Variants in ARFGAP3 observed in about 807,000 individuals in gnomAD.
The protein encoded by ARFGAP3 is ARF GTPase activating protein 3.
ARFGAP3 carries 72 observed loss-of-function variants against 75.0 expected under a neutral mutation model. The observed-to-expected ratio is 0.96, with a 90% CI of 0.79 to 1.17. The LOEUF (loss-of-function observed/expected upper bound fraction) is 1.17. ARFGAP3 is among the 50% of genes most tolerant of loss of function. The probability of loss-of-function intolerance (pLI) is 0.00; values close to 1 mark genes in which losing one functional copy is unlikely to be tolerated. For synonymous variants in ARFGAP3, 221 were observed against 217.9 expected, an observed-to-expected ratio of 1.01 and a Z score of -0.13; for missense variants, 620 against 626.6, an observed-to-expected ratio of 0.99 and a Z score of 0.11.
intron 14 of ARFGAP3, among the ~76,000 whole-genome samples, chr22:42,801,708 C>T (rs1924869327): frequency 6.6e-6 from 1 of 152,210 alleles, no homozygotes; most frequent in Non-Finnish European, 1.5e-5. Flanking sequence ...ATCACCCCTC[C>T]ACCCATTCAT....
chr22:42,847,408 G>A (rs917988699), intron 2 of ARFGAP3, 106 bp downstream of exon 2: 2 of 954,878 alleles, frequency 2.1e-6, no homozygotes, highest in Admixed American at 2.4e-5. Context: ...CAAGGTGACA[G>A]GCGACAAGGC....
intron 1 of ARFGAP3, 111 bp downstream of exon 1, chr22:42,856,997 ACGTGTC>A (rs1439883420): frequency 9.5e-7 from 1 of 1,047,278 alleles, no homozygotes; most frequent in Non-Finnish European, 1.2e-6. Flanking sequence ...CCACAGTGCG[ACGTGTC>A]ACAGGCCGCG....
At chr22:42,843,078 T>TCCCCCCGA in intron 2 of ARFGAP3, among the ~76,000 whole-genome samples, 2 of 151,532 alleles carry the variant, frequency 1.3e-5, no homozygotes, top group East Asian at 3.9e-4. Flanking sequence ...CAGATTTGCC[T>TCCCCCCGA]CCCCCCGACC....
rs138304205 is a variant in ARFGAP3, at chr22:42,852,314, C to T, written c.70-4682G>A. On this transcript the variant is annotated intron_variant, in intron 1 of 15. Coordinates refer to ENST00000263245, the MANE Select transcript of ARFGAP3 (RefSeq NM_014570.5). Reference sequence around the variant, plus strand: ...GCTCAAGCTATTCATCTGCCTCGGCCTCCCAAAGTGCTGGGATTACAGGCG... The same window carrying T: ...GCTCAAGCTATTCATCTGCCTCGGCTTCCCAAAGTGCTGGGATTACAGGCG... Among the ~76,000 whole-genome samples the T allele has an allele frequency of 4.5e-4, 68 of 151,986 alleles. 1 individual carries two copies. In the East Asian group the frequency reaches 0.011, roughly 24 times the overall value.
intron 14 of ARFGAP3, 148 bp from the exon 15 acceptor site, chr22:42,799,308 G>A (rs950440123): frequency 7.8e-6 from 11 of 1,409,914 alleles, no homozygotes; most frequent in Middle Eastern, 2.2e-4. Flanking sequence ...ATGGAGACTC[G>A]GGCTGAAGTG....
intron 14 of ARFGAP3, 162 bp from the exon 15 acceptor site, chr22:42,799,322 G>T (rs1035403135): frequency 1.2e-6 from 1 of 848,440 alleles, no homozygotes; most frequent in Non-Finnish European, 1.4e-6. Context: ...TGAAGTGGCA[G>T]CCCTGCCATG....
Position 42,850,583 on chromosome 22 carries a change from A to C in ARFGAP3, c.70-2951T>G, listed in dbSNP as rs535714874. Among the ~76,000 whole-genome samples, 693 of 151,194 alleles carry C rather than the reference A, an allele frequency of 4.6e-3. 4 individuals carry two copies. Among genetic ancestry groups the C allele is most frequent in the African/African-American group, 0.016 (675 of 41,290 alleles). Reference sequence around the variant, plus strand: ...GAGACCCTGCTATCAAAAAAAAAAAAAAAAAAAAAAAAAAGATATACTTTA... The same window carrying C: ...GAGACCCTGCTATCAAAAAAAAAAACAAAAAAAAAAAAAAGATATACTTTA... On this transcript the variant is annotated intron_variant, in intron 1 of 15. Transcript: ENST00000263245.
At chr22:42,801,801 G>A (rs1924872724) in intron 14 of ARFGAP3, among the ~76,000 whole-genome samples, 1 of 152,216 alleles carries the variant, frequency 6.6e-6, no homozygotes, top group Admixed American at 6.5e-5. Context: ...TCCACTGGGG[G>A]AGACGGTCTT....
intron 2 of ARFGAP3, among the ~76,000 whole-genome samples, chr22:42,843,975 T>C (rs1926896860): frequency 6.6e-6 from 1 of 152,138 alleles, no homozygotes; most frequent in South Asian, 2.1e-4. Flanking sequence ...TATAAATTAT[T>C]TTTCCTCTGT....
At chr22:42,833,548 G>A (rs1260153583) in intron 5 of ARFGAP3, among the ~76,000 whole-genome samples, 1 of 152,164 alleles carries the variant, frequency 6.6e-6, no homozygotes. Flanking sequence ...CTGAGGTCAG[G>A]AGTTCGAGAC....
chr22:42,810,672 G>T, intron 12 of ARFGAP3, 141 bp downstream of exon 12: 1 of 716,414 alleles, frequency 1.4e-6, no homozygotes, highest in Non-Finnish European at 2.4e-6. Flanking sequence ...TTTGACCTCG[G>T]CCTCTTAAAG....
intron 9 of ARFGAP3, 82 bp from the exon 10 acceptor site, chr22:42,817,939 A>T (rs1925652558): frequency 2.2e-6 from 3 of 1,361,218 alleles, no homozygotes; most frequent in Non-Finnish European, 1.9e-6. Flanking sequence ...TTAAACATGT[A>T]ATTTATACTT....
chr22:42,847,453 GA>G (rs770747772), intron 2 of ARFGAP3, 60 bp downstream of exon 2: 6 of 1,453,536 alleles, frequency 4.1e-6, no homozygotes, highest in South Asian at 1.2e-5. Flanking sequence ...AGAAAAAAGG[GA>G]AAAAAACACC....
rs562649788 is a variant in ARFGAP3 at position 42,831,227 on chromosome 22, C to T, written c.565+322G>A. On this transcript the variant is annotated intron_variant, in intron 6 of 15. Coordinates refer to ENST00000263245, the MANE Select transcript of ARFGAP3 (RefSeq NM_014570.5). ...GCTTGAACCCAGGAGGCGGAGGTTG[C>T]AGTGAGCCGAGATCACACCATCGCA... Among the ~76,000 whole-genome samples the T allele has an allele frequency of 2.8e-3, 397 of 143,094 alleles. 1 individual carries two copies. Among genetic ancestry groups the T allele is most frequent in the Non-Finnish European group, 4.3e-3 (289 of 66,940 alleles). The allele number at this position is 143,094 out of a possible 152,430, so 93.9% of individuals were successfully genotyped here. A position where few individuals can be genotyped will look rare whatever the true frequency, so the allele number is the denominator to read the frequency against.
intron 11 of ARFGAP3, among the ~76,000 whole-genome samples, chr22:42,811,687 G>C (rs181186882): frequency 3.5e-4 from 53 of 152,348 alleles, no homozygotes; most frequent in Admixed American, 2.0e-3. Context: ...CATCCCAGGA[G>C]AGCCTGGCCT....
intron 1 of ARFGAP3, among the ~76,000 whole-genome samples, chr22:42,854,917 C>T (rs533446405): frequency 2.6e-5 from 4 of 151,980 alleles, no homozygotes; most frequent in Non-Finnish European, 5.9e-5. Flanking sequence ...TACCAGAAAA[C>T]ATTTTTGCTC....
At chr22:42,840,869 C>A in intron 3 of ARFGAP3, 75 bp downstream of exon 3, 2 of 1,492,890 alleles carry the variant, frequency 1.3e-6, no homozygotes, top group Non-Finnish European at 9.2e-7. Context: ...CTGCACCTAG[C>A]CTGAGCTTCT....
chr22:42,800,190 C>T (rs61045947), intron 14 of ARFGAP3, among the ~76,000 whole-genome samples: 1,766 of 152,206 alleles, frequency 0.012, 32 homozygotes, highest in African/African-American at 0.04. Flanking sequence ...GGAGTAGCCA[C>T]GCCCAGCTAC....
intron 14 of ARFGAP3, among the ~76,000 whole-genome samples, chr22:42,806,245 C>T (rs115739970): frequency 0.011 from 1,611 of 151,850 alleles, 28 homozygotes; most frequent in African/African-American, 0.037. Context: ...GCCCCTTTCA[C>T]GTTAACCACA....
Sources: allele counts gnomAD v4.1 joint callset (sites outside exome capture counted in the v4.1 genomes callset), GRCh38; gene constraint gnomAD v4.1.1; transcripts MANE v1.5; gene names NCBI Gene and HGNC (gene_info 2026-07-23, HGNC 2026-07-21).